Variants in PIGN observed in about 807,000 individuals in gnomAD.
PIGN encodes phosphatidylinositol glycan anchor biosynthesis class N.
A neutral mutation model predicts 125.4 loss-of-function variants in PIGN; 117 were observed. The ratio of observed to expected loss-of-function variants is 0.93; its 90% confidence interval spans 0.80 to 1.09. PIGN has a LOEUF of 1.09. PIGN is among the 50% of genes least tolerant of loss of function. The probability of loss-of-function intolerance (pLI) is 0.00; values close to 1 mark genes in which losing one functional copy is unlikely to be tolerated. For synonymous variants in PIGN, 392 were observed against 377.8 expected (o/e 1.04, Z -0.44); for missense variants, 1,075 against 1,094.9 (o/e 0.98, Z 0.26).
chr18:62,147,553 G>A (rs535739117), intron 8 of PIGN, among the ~76,000 whole-genome samples: 2 of 152,242 alleles, frequency 1.3e-5, no homozygotes, highest in South Asian at 4.1e-4. Context: ...AGGTTCATTC[G>A]ATATGAATAT....
intron 14 of PIGN, among the ~76,000 whole-genome samples, chr18:62,125,301 G>T (rs1433760935): frequency 6.6e-6 from 1 of 151,724 alleles, no homozygotes; most frequent in Non-Finnish European, 1.5e-5. Flanking sequence ...TAATGTAGTT[G>T]TAATCATACC....
chr18:62,147,409 A>C (rs1406747231), intron 8 of PIGN, among the ~76,000 whole-genome samples: 1 of 152,236 alleles, frequency 6.6e-6, no homozygotes. Context: ...CTTACTACAT[A>C]AACTAAACTG....
chr18:62,101,214 A>C, intron 21 of PIGN, 31 bp from the exon 22 acceptor site: 1 of 1,272,064 alleles, frequency 7.9e-7, no homozygotes, highest in Non-Finnish European at 1.1e-6. Flanking sequence ...GGTTAAAAAA[A>C]GAGAAGGTAG....
chr18:62,108,868 G>A (rs148265217), intron 17 of PIGN, among the ~76,000 whole-genome samples: 223 of 152,276 alleles, frequency 1.5e-3, no homozygotes, highest in African/African-American at 5.1e-3. Flanking sequence ...GATTACAGGC[G>A]TGAGCCCTTG....
At chr18:62,051,018 T>C (rs532531503) in intron 30 of PIGN, among the ~76,000 whole-genome samples, 1,776 of 150,466 alleles carry the variant, frequency 0.012, 30 homozygotes, top group African/African-American at 0.041. Context: ...GATTTGTGTA[T>C]ATTGAACCAG....
At position 62,145,922 on chromosome 18, in the gene PIGN, A is replaced by T. The variant is rs1254630094; in HGVS notation, c.909T>A (p.Asp303Glu). Reference protein sequence around the residue: ...PQRVSAQQFDDAFLKEWRLEN... With the variant: ...PQRVSAQQFDEAFLKEWRLEN... Reference sequence around the variant, plus strand: ...AAATGCTTGTACCTTTCAAAAATGCATCATCAAATTGCTGAGCTGATACTC... The same window carrying T: ...AAATGCTTGTACCTTTCAAAAATGCTTCATCAAATTGCTGAGCTGATACTC... The change falls in exon 10 of 31, where the codon GAT (aspartate) becomes GAA (glutamate). Residue 303 changes from aspartate to glutamate, a missense_variant. Asp to Glu is a conservative substitution (Grantham distance 45, BLOSUM62 2). Around this residue, in one of 3 missense-constraint regions of PIGN, gnomAD observed 915 missense variants for 908.7 expected, o/e 1.01. Coordinates refer to ENST00000640252, the MANE Select transcript of PIGN (RefSeq NM_176787.5). 1.3e-6 allele frequency: 2 copies of T among 1,553,998 alleles called. No homozygotes were observed. Among genetic ancestry groups the T allele is most frequent in the Admixed American group, 3.3e-5 (2 of 59,852 alleles).
At chr18:62,133,823 C>T (rs1415462325) in intron 14 of PIGN, among the ~76,000 whole-genome samples, 1 of 152,006 alleles carries the variant, frequency 6.6e-6, no homozygotes, top group African/African-American at 2.4e-5. Context: ...GCAATATATG[C>T]ACATATTTTT....
chr18:62,180,889 T>A (rs1281913440), intron 1 of PIGN, among the ~76,000 whole-genome samples: 1 of 152,194 alleles, frequency 6.6e-6, no homozygotes, highest in African/African-American at 2.4e-5. Flanking sequence ...TTTTTGTGTC[T>A]TGTACTATAG....
At chr18:62,032,677 A>G (rs1044519503) in intron 23 of PIGN, among the ~76,000 whole-genome samples, 7 of 152,314 alleles carry the variant, frequency 4.6e-5, no homozygotes, top group Non-Finnish European at 2.9e-5. Flanking sequence ...TAAAAGTCTC[A>G]TTGTTTACTA....
chr18:62,050,787 A>T (rs2031211454), intron 30 of PIGN, among the ~76,000 whole-genome samples: 1 of 152,040 alleles, frequency 6.6e-6, no homozygotes, highest in Non-Finnish European at 1.5e-5. Context: ...TCAGTTTTCA[A>T]AGGGAATGTT....
At chr18:62,156,255 G>A (rs531250520) in intron 6 of PIGN, among the ~76,000 whole-genome samples, 30 of 152,094 alleles carry the variant, frequency 2.0e-4, no homozygotes, top group Non-Finnish European at 4.0e-4. Context: ...TATGTTAAAT[G>A]CCATATATAT....
At chr18:62,072,615 A>G in intron 30 of PIGN, 58 bp downstream of exon 30, 1 of 1,341,386 alleles carries the variant, frequency 7.5e-7, no homozygotes, top group Admixed American at 2.0e-5. Context: ...TTGCCTAACA[A>G]TATATTTCTC....
intron 15 of PIGN, among the ~76,000 whole-genome samples, 161 bp from the exon 16 acceptor site, chr18:62,113,477 T>C (rs565941815): frequency 1.3e-5 from 2 of 152,310 alleles, no homozygotes; most frequent in South Asian, 4.1e-4. Context: ...TGTTCCAGGA[T>C]CTTCTTTTAA....
At chr18:62,160,294 G>C (rs761235345) in intron 4 of PIGN, among the ~76,000 whole-genome samples, 2 of 152,160 alleles carry the variant, frequency 1.3e-5, no homozygotes, top group Non-Finnish European at 2.9e-5. Flanking sequence ...GCAATTGTTT[G>C]TAGGCCCTTT....
Position 62,062,882 on chromosome 18 carries a change from C to CTTTTTTTTTTTTT in PIGN, c.2672+9778_2672+9790dup, listed in dbSNP as rs71160811. Among the ~76,000 whole-genome samples, 10 of 21,068 alleles carry CTTTTTTTTTTTTT rather than the reference C, an allele frequency of 4.7e-4. 2 individuals are homozygous for CTTTTTTTTTTTTT. The highest frequency in any genetic ancestry group is 1.2e-3 in the African/African-American group (5 of 4,110). The allele number at this position is 21,068 out of a possible 152,430, so 13.8% of individuals were successfully genotyped here. On this transcript the variant is annotated intron_variant, in intron 30 of 30. Coordinates refer to ENST00000640252, the MANE Select transcript of PIGN (RefSeq NM_176787.5). ...ATTTGTTTTATGCTTTTGTATTCTGCTTTTTTTTTTTTTTTTTTTTTTTTT... is the reference window on the plus strand; with the variant it reads ...ATTTGTTTTATGCTTTTGTATTCTGCTTTTTTTTTTTTTTTTTTTTTTTTTTTTTTTTTTTTTT...
chr18:62,115,366 T>A (rs967922819), intron 14 of PIGN, among the ~76,000 whole-genome samples: 3 of 152,186 alleles, frequency 2.0e-5, no homozygotes, highest in African/African-American at 4.8e-5. Context: ...CTTAATGAAA[T>A]AAATCTATAT....
intron 22 of PIGN, among the ~76,000 whole-genome samples, chr18:62,098,358 A>C (rs1453276050): frequency 2.6e-5 from 4 of 152,194 alleles, no homozygotes; most frequent in Non-Finnish European, 4.4e-5. Context: ...TTTTAACTGG[A>C]AGGAATAACA....
At chr18:62,050,670 T>C (rs2031199127) in intron 30 of PIGN, among the ~76,000 whole-genome samples, 1 of 152,112 alleles carries the variant, frequency 6.6e-6, no homozygotes, top group Non-Finnish European at 1.5e-5. Flanking sequence ...ACTTCCTCTT[T>C]TCCTAATTGA....
At chr18:62,046,909 G>A (rs1242635178) in intron 30 of PIGN, among the ~76,000 whole-genome samples, 2 of 152,110 alleles carry the variant, frequency 1.3e-5, no homozygotes, top group African/African-American at 4.8e-5. Flanking sequence ...GTGGAAAGAG[G>A]GCAAACTGGT....
Sources: gnomAD v4.1 joint callset for allele counts (sites outside exome capture counted in the v4.1 genomes callset) on GRCh38, gnomAD v4.1.1 for gene constraint, gnomAD v4.1.1 regional missense constraint, MANE v1.5 for transcripts, NCBI Gene and HGNC (gene_info 2026-07-23, HGNC 2026-07-21) for gene names.